The following INSL6 variants were observed in gnomAD, a reference collection of about 807,000 sequenced individuals.
INSL6 encodes the protein insulin-like peptide INSL6.
In INSL6, 16 loss-of-function variants were observed where a neutral mutation model predicts 9.4. The observed-to-expected ratio is 1.70, with a 90% CI of 1.15 to 2.59. INSL6 has a LOEUF of 2.59. INSL6 is among the 30% of genes most tolerant of loss of function. The pLI, the probability that INSL6 is intolerant of heterozygous loss-of-function variation, is 0.00. For synonymous variants in INSL6, 154 were observed against 96.9 expected (o/e 1.59, Z -3.46); for missense variants, 391 against 257.3 (o/e 1.52, Z -3.56).
intron 2 of INSL6, among the ~76,000 whole-genome samples, chr9:5,138,590 G>A (rs1824430654): frequency 6.6e-6 from 1 of 152,078 alleles, no homozygotes; most frequent in Non-Finnish European, 1.5e-5. Context: ...GGGCAGTGGG[G>A]GGCTAGGGAG....
intron 1 of INSL6, among the ~76,000 whole-genome samples, chr9:5,169,036 C>A (rs1217890428): frequency 6.6e-6 from 1 of 152,018 alleles, no homozygotes; most frequent in African/African-American, 2.4e-5. Flanking sequence ...AGTGGTTCTC[C>A]TTCCTCACCC....
At chr9:5,022,191 T>C in the INSL6 span, 1 of 1,613,668 alleles carries the variant, frequency 6.2e-7, no homozygotes, top group Non-Finnish European at 8.5e-7. Context: ...AAGAAATCTG[T>C]ATTGCTGCTT....
chr9:5,136,866 A>G (rs1824395381), intron 2 of INSL6, among the ~76,000 whole-genome samples: 1 of 152,220 alleles, frequency 6.6e-6, no homozygotes, highest in Non-Finnish European at 1.5e-5. Flanking sequence ...GTATATTTGG[A>G]AAACCCCATC....
chr9:4,996,174 G>A, the INSL6 span, among the ~76,000 whole-genome samples: 14 of 152,188 alleles, frequency 9.2e-5, no homozygotes, highest in Non-Finnish European at 1.2e-4. Flanking sequence ...TATTATTTTA[G>A]AGGGTCAAAT....
chr9:5,042,878 C>T, the INSL6 span, among the ~76,000 whole-genome samples: 1 of 152,224 alleles, frequency 6.6e-6, no homozygotes, highest in Non-Finnish European at 1.5e-5. Flanking sequence ...GCACGGCCAC[C>T]GCAGCCTTTC....
the INSL6 span, among the ~76,000 whole-genome samples, chr9:5,058,810 A>AT: frequency 6.6e-6 from 1 of 152,140 alleles, no homozygotes; most frequent in East Asian, 1.9e-4. Context: ...GCGTCTTTTC[A>AT]TATATGTATT....
At chr9:5,082,090 A>T in the INSL6 span, among the ~76,000 whole-genome samples, 1 of 152,166 alleles carries the variant, frequency 6.6e-6, no homozygotes, top group East Asian at 1.9e-4. Context: ...GTGGGACCAG[A>T]GACTGAGAAA....
intron 1 of INSL6, among the ~76,000 whole-genome samples, chr9:5,182,817 T>C (rs1825486091): frequency 6.6e-6 from 1 of 152,174 alleles, no homozygotes; most frequent in Non-Finnish European, 1.5e-5. Flanking sequence ...AGAAATATGA[T>C]GTCAACTTCA....
chr9:5,180,440 G>A (rs935305368), intron 1 of INSL6, among the ~76,000 whole-genome samples: 8 of 152,174 alleles, frequency 5.3e-5, no homozygotes, highest in East Asian at 1.9e-4. Context: ...GGCTATAAAC[G>A]GATGTGCAAG....
At chr9:5,096,370 T>C in the INSL6 span, among the ~76,000 whole-genome samples, 6 of 152,300 alleles carry the variant, frequency 3.9e-5, no homozygotes, top group African/African-American at 1.2e-4. Context: ...TCTGCATCAG[T>C]TGAACGCAAA....
chr9:5,078,465 A>G, the INSL6 span: 2 of 1,593,100 alleles, frequency 1.3e-6, no homozygotes, highest in Non-Finnish European at 1.7e-6. Flanking sequence ...GAAGGATTAT[A>G]TATAATGTTA....
At chr9:5,030,074 T>C in the INSL6 span, among the ~76,000 whole-genome samples, 1 of 152,230 alleles carries the variant, frequency 6.6e-6, no homozygotes, top group African/African-American at 2.4e-5. Context: ...TCAGAGAAAC[T>C]GTTTATACAT....
At chr9:5,112,050 G>C in the INSL6 span, 8 of 409,034 alleles carry the variant, frequency 2.0e-5, no homozygotes, top group Non-Finnish European at 3.9e-5. Flanking sequence ...ACCCAGCTAC[G>C]ACGGGGGTCT....
intron 2 of INSL6, among the ~76,000 whole-genome samples, chr9:5,146,824 T>C (rs533153723): frequency 2.0e-5 from 3 of 152,126 alleles, no homozygotes; most frequent in African/African-American, 4.8e-5. Flanking sequence ...TACACAGCCA[T>C]AGGGGCTGCC....
chr9:5,017,845 A>G, the INSL6 span, among the ~76,000 whole-genome samples: 1 of 152,200 alleles, frequency 6.6e-6, no homozygotes, highest in East Asian at 1.9e-4. Flanking sequence ...TAGAATTGTT[A>G]TATCCTCTTG....
At chr9:5,122,244 GAACC>G (rs1394305090), downstream of INSL6, among the ~76,000 whole-genome samples, 2 of 152,046 alleles carry the variant, frequency 1.3e-5, no homozygotes, top group African/African-American at 2.4e-5. Context: ...CTTAGCAATG[GAACC>G]ATGATACTCA....
chr9:4,997,701 G>A, the INSL6 span, among the ~76,000 whole-genome samples: 5 of 152,144 alleles, frequency 3.3e-5, no homozygotes, highest in African/African-American at 1.2e-4. Flanking sequence ...GAATATATTG[G>A]TTTTATAAAG....
downstream of INSL6, among the ~76,000 whole-genome samples, chr9:5,159,183 C>T (rs890925482): frequency 2.0e-5 from 3 of 151,776 alleles, no homozygotes; most frequent in Non-Finnish European, 2.9e-5. Context: ...AATATACCAA[C>T]CAAGAAAATC....
chr9:5,103,119 G>C, the INSL6 span, among the ~76,000 whole-genome samples: 2 of 146,036 alleles, frequency 1.4e-5, no homozygotes, highest in Non-Finnish European at 3.0e-5. Context: ...AAAGATTGAA[G>C]ACCCATCACT....
Sources: gnomAD v4.1 joint callset for allele counts (sites outside exome capture counted in the v4.1 genomes callset) on GRCh38, gnomAD v4.1.1 for gene constraint, MANE v1.5 for transcripts, NCBI Gene and HGNC (gene_info 2026-07-23, HGNC 2026-07-21) for gene names.